NDFIP1: variants seen among roughly 807,000 people sequenced by gnomAD.
NDFIP1 encodes Nedd4 family interacting protein 1, also known as NEDD4 family-interacting protein 1.
Under a neutral mutation model 28.8 loss-of-function variants are expected in NDFIP1, and 7 were observed. That is an observed-to-expected ratio of 0.24 (90% CI 0.14 to 0.46). The LOEUF (loss-of-function observed/expected upper bound fraction) is 0.46. NDFIP1 is among the 20% of genes least tolerant of loss of function. The probability of loss-of-function intolerance (pLI) is 0.99; values close to 1 mark genes in which losing one functional copy is unlikely to be tolerated. For synonymous variants in NDFIP1, 92 were observed against 101.0 expected, an observed-to-expected ratio of 0.91 and a Z score of 0.53; for missense variants, 194 against 269.1, an observed-to-expected ratio of 0.72 and a Z score of 1.95.
intron 7 of NDFIP1, among the ~76,000 whole-genome samples, chr5:142,148,697 G>A (rs1271165083): frequency 7.7e-6 from 1 of 129,512 alleles, no homozygotes; most frequent in Non-Finnish European, 1.5e-5. Flanking sequence ...GTTGCAGTGA[G>A]CCAAGATCAC....
At position 142,140,596 on chromosome 5, in the gene NDFIP1, C is replaced by A; in HGVS notation, c.529C>A (p.Gln177Lys). ...STYFPGYFDG[Q>K]YWLWWVFLVL... ...CTATTTCCCTGGATATTTTGATGGT[C>A]AGTACTGGCTCTGGTGGGTGTTCCT... Residue 177 changes from glutamine to lysine, a missense_variant, in exon 6 of 8, where the codon CAG (glutamine) becomes AAG (lysine). Physicochemically the swap from Gln to Lys is moderately conservative, Grantham distance 53. Coordinates refer to ENST00000253814, the MANE Select transcript of NDFIP1 (RefSeq NM_030571.4). 1 of 1,613,120 alleles carries A rather than the reference C, an allele frequency of 6.2e-7. No individual in the cohort carries two copies. The highest frequency in any genetic ancestry group is 1.1e-5 in the South Asian group (1 of 90,812).
chr5:142,127,090 A>T (rs1757177601), intron 1 of NDFIP1, among the ~76,000 whole-genome samples: 1 of 152,134 alleles, frequency 6.6e-6, no homozygotes, highest in Non-Finnish European at 1.5e-5. Flanking sequence ...ATCTCAGCTT[A>T]CTGTAACCTC....
chr5:142,138,881 T>TC lies in NDFIP1; in HGVS notation c.495+1024dup, dbSNP rs1236658063. On this transcript the variant is annotated intron_variant, in intron 5 of 7. Coordinates refer to ENST00000253814, the MANE Select transcript of NDFIP1 (RefSeq NM_030571.4). ...AAAAGAGAAATAAAATTAATTCCAGTCTTTTTTTTTTTTCAAACTAAATTT... is the reference window on the plus strand; with the variant it reads ...AAAAGAGAAATAAAATTAATTCCAGTCCTTTTTTTTTTTTCAAACTAAATTT... Among the ~76,000 whole-genome samples, 6 of 21,514 alleles carry TC rather than the reference T, an allele frequency of 2.8e-4. No homozygotes were observed. In the Admixed American group the frequency reaches 3.4e-3, roughly 12 times the overall value. The allele number at this position is 21,514 out of a possible 152,430, so 14.1% of individuals were successfully genotyped here. A position where few individuals can be genotyped will look rare whatever the true frequency, so the allele number is the denominator to read the frequency against.
At chr5:142,115,073 T>C (rs1757051402) in intron 1 of NDFIP1, among the ~76,000 whole-genome samples, 1 of 152,236 alleles carries the variant, frequency 6.6e-6, no homozygotes, top group African/African-American at 2.4e-5. Flanking sequence ...ACATTAATTA[T>C]ATTTCATAAT....
chr5:142,144,369 T>C (rs1757367025), intron 6 of NDFIP1: 2 of 464,210 alleles, frequency 4.3e-6, no homozygotes, highest in South Asian at 6.7e-5. Context: ...AAAGACACTA[T>C]TGACTCTTAC....
chr5:142,136,755 CAAAAAAAAA>C (rs33932095), intron 4 of NDFIP1, among the ~76,000 whole-genome samples: 1 of 76,452 alleles, frequency 1.3e-5, no homozygotes, highest in Non-Finnish European at 2.4e-5. Flanking sequence ...GACTTCGTCT[CAAAAAAAAA>C]AAAAAAAAAA....
Position 142,154,211 on chromosome 5 carries a change from G to A in NDFIP1, c.*2483G>A, listed in dbSNP as rs938248797. Reference sequence around the variant, plus strand: ...TTGGAAAGGTATTCATAGGAACCGCGGTTATTTACTTAAGGTTATGGAGTA... The same window carrying A: ...TTGGAAAGGTATTCATAGGAACCGCAGTTATTTACTTAAGGTTATGGAGTA... On this transcript the variant is annotated 3_prime_UTR_variant, in exon 8 of 8. Coordinates refer to ENST00000253814, the MANE Select transcript of NDFIP1 (RefSeq NM_030571.4). The A allele has an allele frequency of 6.6e-5, 10 of 152,246 alleles. No individual in the cohort carries two copies. The East Asian group carries it at 7.5e-4, about 11-fold the overall frequency. 9.4% of individuals were successfully genotyped at this position (152,246 alleles called of 1,614,324 possible). A position where few individuals can be genotyped will look rare whatever the true frequency, so the allele number is the denominator to read the frequency against.
At chr5:142,118,734 T>C (rs1011313487) in intron 1 of NDFIP1, among the ~76,000 whole-genome samples, 3 of 152,220 alleles carry the variant, frequency 2.0e-5, no homozygotes, top group African/African-American at 7.2e-5. Flanking sequence ...GCATGGGGCA[T>C]TTGTCTCTGC....
intron 1 of NDFIP1, among the ~76,000 whole-genome samples, chr5:142,111,039 TA>T (rs1471542518): frequency 6.6e-6 from 1 of 151,992 alleles, no homozygotes; most frequent in Non-Finnish European, 1.5e-5. Flanking sequence ...GTGTATGCAT[TA>T]GCAGATATAT....
At chr5:142,122,983 G>A (rs115166892) in intron 1 of NDFIP1, among the ~76,000 whole-genome samples, 2,264 of 152,158 alleles carry the variant, frequency 0.015, 49 homozygotes, top group African/African-American at 0.049. Flanking sequence ...TTGTGTTTTA[G>A]GCAGAGTCTC....
In NDFIP1 at chr5:142,152,167, T is replaced by C. The variant is rs1421378483; in HGVS notation, c.*439T>C. On this transcript the variant is annotated 3_prime_UTR_variant, in exon 8 of 8. Transcript: ENST00000253814. The stretch of plus-strand genomic sequence containing the variant: ...AGGGGTTTTCTCAAAAGTTAAACTT[T>C]TGCTATGACTGTGTTTTTGCACATA... 6.5e-6 allele frequency: 1 copy of C among 152,798 alleles called. No homozygotes were observed. The highest frequency in any genetic ancestry group is 2.4e-5 in the African/African-American group (1 of 41,452). 9.5% of individuals were successfully genotyped at this position (152,798 alleles called of 1,614,324 possible). A position where few individuals can be genotyped will look rare whatever the true frequency, so the allele number is the denominator to read the frequency against.
chr5:142,150,958 G>A (rs1398673906), intron 7 of NDFIP1, among the ~76,000 whole-genome samples: 1 of 151,916 alleles, frequency 6.6e-6, no homozygotes, highest in Non-Finnish European at 1.5e-5. Context: ...TGTTAATATA[G>A]GGAATTACTT....
intron 6 of NDFIP1, among the ~76,000 whole-genome samples, chr5:142,142,143 A>C (rs1048328271): frequency 3.9e-5 from 6 of 151,998 alleles, no homozygotes; most frequent in Admixed American, 3.3e-4. Flanking sequence ...TCTAAAAACA[A>C]AACAAAACAG....
intron 1 of NDFIP1, among the ~76,000 whole-genome samples, chr5:142,123,749 C>T (rs1342509082): frequency 6.6e-6 from 1 of 152,078 alleles, no homozygotes; most frequent in Non-Finnish European, 1.5e-5. Flanking sequence ...CAAAAGATGA[C>T]CAGTTCCTGC....
chr5:142,132,034 T>A, intron 2 of NDFIP1, 139 bp downstream of exon 2: 1 of 1,055,082 alleles, frequency 9.5e-7, no homozygotes, highest in Non-Finnish European at 1.4e-6. Context: ...AATTGAGAAG[T>A]GGATACATTT....
chr5:142,110,730 G>A (rs1757006480), intron 1 of NDFIP1, among the ~76,000 whole-genome samples: 2 of 152,116 alleles, frequency 1.3e-5, no homozygotes, highest in Non-Finnish European at 2.9e-5. Context: ...GTGCATTCTT[G>A]TGGGTTTATA....
intron 3 of NDFIP1, among the ~76,000 whole-genome samples, chr5:142,135,411 G>A (rs1413995082): frequency 2.0e-5 from 3 of 152,164 alleles, no homozygotes; most frequent in Admixed American, 1.3e-4. Context: ...TAAAGGAAGA[G>A]TAAATAGTTC....
Position 142,153,396 on chromosome 5 carries a change from A to C in NDFIP1, c.*1668A>C. 2.2e-6 allele frequency: 1 copy of C among 457,036 alleles called. No homozygotes were observed. The highest frequency in any genetic ancestry group is 1.5e-5 in the South Asian group (1 of 64,568). The allele number at this position is 457,036 out of a possible 1,614,324, so 28.3% of individuals were successfully genotyped here. On this transcript the variant is annotated 3_prime_UTR_variant, in exon 8 of 8. Transcript: ENST00000253814. ...CTGCTGTGTATGTATATCCAGAATC[A>C]GCATAGGAAGTCGTTCAGGATATCA...
chr5:142,111,370 A>G (rs868353924), intron 1 of NDFIP1, among the ~76,000 whole-genome samples: 13 of 152,118 alleles, frequency 8.5e-5, no homozygotes, highest in Non-Finnish European at 1.8e-4. Flanking sequence ...CTGAATCATA[A>G]TTTAACTAAT....
Sources: allele counts gnomAD v4.1 joint callset (sites outside exome capture counted in the v4.1 genomes callset), GRCh38; gene constraint gnomAD v4.1.1; transcripts MANE v1.5; gene names NCBI Gene and HGNC (gene_info 2026-07-23, HGNC 2026-07-21).